Variants in MKNK1 observed in about 807,000 individuals in gnomAD.
MKNK1 encodes MAP kinase-interacting serine/threonine-protein kinase 1.
In MKNK1, 30 loss-of-function variants were observed where a neutral mutation model predicts 49.3. The observed-to-expected ratio is 0.61, with a 90% confidence interval of 0.46 to 0.83. The LOEUF (loss-of-function observed/expected upper bound fraction) is 0.83, where lower values mean the gene tolerates loss of function less well. Ranked by LOEUF, MKNK1 falls within the 40% of genes least tolerant of loss-of-function variation. The pLI is 0.00. For missense variants in MKNK1, 423 were observed against 524.7 expected, an observed-to-expected ratio of 0.81 and a Z score of 1.89; for synonymous variants, 176 against 201.7, an observed-to-expected ratio of 0.87 and a Z score of 1.08.
At chr1:46,588,898 T>C (rs142787242) in intron 2 of MKNK1, among the ~76,000 whole-genome samples, 15 of 152,296 alleles carry the variant, frequency 9.8e-5, no homozygotes, top group Non-Finnish European at 1.0e-4. Flanking sequence ...CTGAGAGCTA[T>C]GGCTCTCCTC....
At chr1:46,561,695 T>G in intron 10 of MKNK1, 53 bp from the exon 11 acceptor site, 1 of 1,585,214 alleles carries the variant, frequency 6.3e-7, no homozygotes, top group Non-Finnish European at 8.6e-7. Flanking sequence ...GGGCAGGATG[T>G]GCCTGTCATT....
intron 8 of MKNK1, among the ~76,000 whole-genome samples, chr1:46,567,748 C>T (rs1669324634): frequency 6.6e-6 from 1 of 152,178 alleles, no homozygotes; most frequent in Non-Finnish European, 1.5e-5. Flanking sequence ...ACCACCAGTG[C>T]CTAAATCTCT....
At chr1:46,592,866 T>C (rs1283017685) in intron 2 of MKNK1, among the ~76,000 whole-genome samples, 6 of 151,880 alleles carry the variant, frequency 4.0e-5, no homozygotes, top group Non-Finnish European at 7.4e-5. Context: ...TTAACCAAAG[T>C]CAGGTCACCA....
chr1:46,562,523 C>T lies in MKNK1; in HGVS notation c.804+126G>A, dbSNP rs113135771. On this transcript the variant is annotated intron_variant, in intron 10 of 12. Coordinates refer to ENST00000371945, the MANE Select transcript of MKNK1 (RefSeq NM_001135553.4). The stretch of plus-strand genomic sequence containing the variant: ...TACCTTGTGGCCACCGTGACAGGAG[C>T]GGGAGAGGGCACTATGAGCCCCCAT... 8.8e-5 allele frequency: 96 copies of T among 1,085,400 alleles called. 3 individuals are homozygous for T. The African/African-American group carries it at 9.0e-4, about 10-fold the overall frequency. 67.2% of individuals were successfully genotyped at this position (1,085,400 alleles called of 1,614,324 possible). A position where few individuals can be genotyped will look rare whatever the true frequency, so the allele number is the denominator to read the frequency against.
At chr1:46,596,392 C>G (rs1196319725) in intron 1 of MKNK1, among the ~76,000 whole-genome samples, 1 of 152,212 alleles carries the variant, frequency 6.6e-6, no homozygotes, top group African/African-American at 2.4e-5. Flanking sequence ...TAGTTTGCAT[C>G]CACACTAAAA....
intron 1 of MKNK1, among the ~76,000 whole-genome samples, chr1:46,596,474 C>T (rs1674080417): frequency 6.6e-6 from 1 of 152,226 alleles, no homozygotes; most frequent in Admixed American, 6.5e-5. Flanking sequence ...AAAAAAACCC[C>T]TCAGAATTCC....
At chr1:46,591,514 C>T (rs1422006169) in intron 2 of MKNK1, among the ~76,000 whole-genome samples, 1 of 152,076 alleles carries the variant, frequency 6.6e-6, no homozygotes, top group East Asian at 1.9e-4. Context: ...AGAGGAAGGA[C>T]ATGGAAGGGG....
At chr1:46,587,584 G>A (rs1570274254) in intron 2 of MKNK1, among the ~76,000 whole-genome samples, 1 of 152,214 alleles carries the variant, frequency 6.6e-6, no homozygotes, top group Admixed American at 6.5e-5. Flanking sequence ...TTGGGAGGCC[G>A]AGGCAGGCAG....
rs763445956 is a variant in MKNK1, at chr1:46,565,072, G to A, written c.578C>T (p.Thr193Ile). The A allele has an allele frequency of 1.2e-6, 2 of 1,614,060 alleles. No homozygotes were observed. Among genetic ancestry groups the A allele is most frequent in the Non-Finnish European group, 1.7e-6 (2 of 1,180,024 alleles). ...GSGMKLNNSC[T>I]PITTPELTTP... ...GGTCAGCTCTGGTGTGGTTATGGGG[G>A]TACAGGAGTTGTTCAGTTTCATCCC... Residue 193 changes from threonine (T) to isoleucine (I), a missense_variant, in exon 9 of 13, where the codon ACC (threonine) becomes ATC (isoleucine). Coordinates refer to ENST00000371945, the MANE Select transcript of MKNK1 (RefSeq NM_001135553.4).
At chr1:46,564,062 A>AAAT (rs1465670357) in intron 9 of MKNK1, among the ~76,000 whole-genome samples, 1 of 149,288 alleles carries the variant, frequency 6.7e-6, no homozygotes, top group Non-Finnish European at 1.5e-5. Flanking sequence ...AAAAAAAAAA[A>AAAT]AAAGGGTTAT....
chr1:46,593,170 G>GT (rs1320315019), intron 2 of MKNK1, among the ~76,000 whole-genome samples: 1 of 152,034 alleles, frequency 6.6e-6, no homozygotes, highest in Admixed American at 6.6e-5. Flanking sequence ...TCATATATAC[G>GT]TTAAAAAAAA....
rs1002559133 is a variant in MKNK1 at position 46,576,659 on chromosome 1, G to A, written c.199-5C>T. On this transcript the variant is annotated splice_region_variant and splice_polypyrimidine_tract_variant and intron_variant, in intron 4 of 12. Coordinates refer to ENST00000371945, the MANE Select transcript of MKNK1 (RefSeq NM_001135553.4). The stretch of plus-strand genomic sequence containing the variant: ...CCCTGCTTGTTTCTCGATGATCTGT[G>A]GGAAGAATAAAATCTGTCATGTACA... 6.2e-7 allele frequency: 1 copy of A among 1,613,818 alleles called. No individual in the cohort carries two copies. The highest frequency in any genetic ancestry group is 1.3e-5 in the African/African-American group (1 of 75,038).
In MKNK1 at chr1:46,558,179, G is replaced by A. The variant is rs775829790; in HGVS notation, c.*396C>T. 2 of 177,108 alleles carry A rather than the reference G, an allele frequency of 1.1e-5. No homozygotes were observed. Among genetic ancestry groups the A allele is most frequent in the Admixed American group, 5.8e-5 (1 of 17,292 alleles). The allele number at this position is 177,108 out of a possible 1,614,324, so 11.0% of individuals were successfully genotyped here. On this transcript the variant is annotated 3_prime_UTR_variant, in exon 13 of 13. Transcript: ENST00000371945. ...GACAGAGAAGAGAGGGAAGAGGCAC[G>A]TGTCGGCAGCCTCTGTCAACTGATG...
rs369754430 is a variant in MKNK1, at chr1:46,568,432, G to A, written c.513+11C>T. 3 of 1,613,198 alleles carry A rather than the reference G, an allele frequency of 1.9e-6. No homozygotes were observed. The highest frequency in any genetic ancestry group is 1.1e-5 in the South Asian group (1 of 91,036). On this transcript the variant is annotated intron_variant, in intron 8 of 12. Coordinates refer to ENST00000371945, the MANE Select transcript of MKNK1 (RefSeq NM_001135553.4). ...TATAAACTATAACATTCCAAATCAGGCCCAAAGTACCTTTTCTGGAGATTC... is the reference window on the plus strand; with the variant it reads ...TATAAACTATAACATTCCAAATCAGACCCAAAGTACCTTTTCTGGAGATTC...
In MKNK1 at chr1:46,564,907, A is replaced by G. The variant is rs1446854851; in HGVS notation, c.609+134T>C. ...TGAGAGCCACGAACACAGAGCAGCA[A>G]GCAAAATGATCACTCAGGCAGCAGG... is the stretch of plus-strand genomic sequence containing the variant. On this transcript the variant is annotated intron_variant, in intron 9 of 12. Transcript: ENST00000371945. 9.3e-6 allele frequency: 8 copies of G among 862,578 alleles called. 1 individual carries two copies. The highest frequency in any genetic ancestry group is 3.4e-4 in the Middle Eastern group (1 of 2,924). 53.4% of individuals were successfully genotyped at this position (862,578 alleles called of 1,614,324 possible). A position where few individuals can be genotyped will look rare whatever the true frequency, so the allele number is the denominator to read the frequency against.
intron 1 of MKNK1, among the ~76,000 whole-genome samples, chr1:46,595,671 C>A (rs1420274712): frequency 3.9e-5 from 6 of 152,192 alleles, no homozygotes; most frequent in Admixed American, 3.3e-4. Context: ...AAATCTGAAA[C>A]CCAGTAAAAC....
At chr1:46,560,082 A>G in intron 12 of MKNK1, 152 bp downstream of exon 12, 1 of 838,224 alleles carries the variant, frequency 1.2e-6, no homozygotes, top group Non-Finnish European at 1.9e-6. Context: ...ATAGATCCAG[A>G]GTAGAGGAAA....
chr1:46,587,610 G>A (rs938896335), intron 2 of MKNK1, among the ~76,000 whole-genome samples: 1 of 152,144 alleles, frequency 6.6e-6, no homozygotes, highest in Admixed American at 6.5e-5. Context: ...CTGAGGTTGG[G>A]AGTTTGAGAC....
intron 6 of MKNK1, 133 bp from the exon 7 acceptor site, chr1:46,572,300 G>C: frequency 1.6e-6 from 1 of 631,972 alleles, no homozygotes; most frequent in South Asian, 1.9e-5. Context: ...TGCAACCTCC[G>C]CCTCCGGGTT....
Sources: gnomAD v4.1 joint callset for allele counts (sites outside exome capture counted in the v4.1 genomes callset) on GRCh38, gnomAD v4.1.1 for gene constraint, MANE v1.5 for transcripts, NCBI Gene and HGNC (gene_info 2026-07-23, HGNC 2026-07-21) for gene names.